The following NAV2 variants were observed in gnomAD, a reference collection of about 807,000 sequenced individuals.
NAV2 encodes helicase, APC down-regulated 1.
In NAV2, 54 loss-of-function variants were observed where a neutral mutation model predicts 223.2. The ratio of observed to expected loss-of-function variants is 0.24; its 90% CI spans 0.19 to 0.30. NAV2 has a LOEUF of 0.30. Ranked by LOEUF, NAV2 falls within the 10% of genes least tolerant of loss-of-function variation. The probability of loss-of-function intolerance (pLI) is 1.00; values close to 1 mark genes in which losing one functional copy is unlikely to be tolerated. For synonymous variants in NAV2, 1,279 were observed against 1,239.3 expected (o/e 1.03, Z -0.67); for missense variants, 2,806 against 3,147.5 (o/e 0.89, Z 2.60).
intron 1 of NAV2, among the ~76,000 whole-genome samples, chr11:19,736,145 C>T (rs2052277759): frequency 6.6e-6 from 1 of 152,232 alleles, no homozygotes; most frequent in Admixed American, 6.5e-5. Context: ...CCCTATATCT[C>T]ACCCTCTCTA....
intron 11 of NAV2, among the ~76,000 whole-genome samples, chr11:20,010,305 T>C (rs530827140): frequency 6.6e-6 from 1 of 152,290 alleles, no homozygotes; most frequent in Admixed American, 6.5e-5. Context: ...TTGCAGACCT[T>C]TGATTTAGAG....
At chr11:19,440,793 C>T (rs566229459) in intron 1 of NAV2, among the ~76,000 whole-genome samples, 3 of 152,274 alleles carry the variant, frequency 2.0e-5, no homozygotes, top group East Asian at 3.9e-4. Context: ...TGAATGGAGG[C>T]TTGGTTTAAC....
intron 1 of NAV2, among the ~76,000 whole-genome samples, chr11:19,731,905 G>A (rs2051811953): frequency 6.6e-6 from 1 of 152,206 alleles, no homozygotes; most frequent in South Asian, 2.1e-4. Context: ...TTGAAGGATA[G>A]GGAAAATACA....
rs2063395557 is a variant in NAV2 at position 20,120,076 on chromosome 11, C to G, written c.*1818C>G. 1 of 152,176 alleles carries G rather than the reference C, an allele frequency of 6.6e-6. No homozygotes were observed. The highest frequency in any genetic ancestry group is 1.5e-5 in the Non-Finnish European group (1 of 68,036). 9.4% of individuals were successfully genotyped at this position (152,176 alleles called of 1,614,324 possible). A position where few individuals can be genotyped will look rare whatever the true frequency, so the allele number is the denominator to read the frequency against. On this transcript the variant is annotated 3_prime_UTR_variant, in exon 38 of 38. Coordinates refer to ENST00000349880, the MANE Select transcript of NAV2 (RefSeq NM_145117.5). Reference sequence around the variant, plus strand: ...CCTTATTGGACACCAGTGAAGGTGTCTCTGTTTTAATGATCAGGGTTTTTA... The same window carrying G: ...CCTTATTGGACACCAGTGAAGGTGTGTCTGTTTTAATGATCAGGGTTTTTA...
At chr11:19,496,922 A>G (rs1411197549) in intron 1 of NAV2, among the ~76,000 whole-genome samples, 1 of 152,212 alleles carries the variant, frequency 6.6e-6, no homozygotes, top group Non-Finnish European at 1.5e-5. Flanking sequence ...AGGGAATGGC[A>G]TTGAGTTCAT....
At chr11:20,023,699 G>GGTGT (rs374769800) in intron 11 of NAV2, among the ~76,000 whole-genome samples, 3,683 of 144,654 alleles carry the variant, frequency 0.025, 48 homozygotes, top group African/African-American at 0.036. Flanking sequence ...CAAATTGCTG[G>GGTGT]GTGTGTGTGT....
intron 1 of NAV2, among the ~76,000 whole-genome samples, chr11:19,658,220 C>T (rs985118512): frequency 3.3e-5 from 5 of 152,136 alleles, no homozygotes; most frequent in African/African-American, 1.2e-4. Flanking sequence ...AGTAACCTGC[C>T]TAGGATCACA....
chr11:19,431,707 G>A (rs1020686331), intron 1 of NAV2, among the ~76,000 whole-genome samples: 1 of 152,176 alleles, frequency 6.6e-6, no homozygotes, highest in African/African-American at 2.4e-5. Context: ...ATAGAATTTA[G>A]ATTAAGAGCA....
chr11:19,847,187 A>G (rs1326840228), intron 3 of NAV2, among the ~76,000 whole-genome samples: 1 of 152,168 alleles, frequency 6.6e-6, no homozygotes, highest in African/African-American at 2.4e-5. Flanking sequence ...CCTGCTTCCC[A>G]ATTTGAACTC....
chr11:20,016,668 C>T (rs2054030813), intron 11 of NAV2, among the ~76,000 whole-genome samples: 1 of 152,142 alleles, frequency 6.6e-6, no homozygotes, highest in African/African-American at 2.4e-5. Context: ...GGTCCTGCTT[C>T]CCTGGACCCA....
intron 1 of NAV2, among the ~76,000 whole-genome samples, chr11:19,499,486 C>A (rs1334220017): frequency 6.6e-6 from 1 of 152,136 alleles, no homozygotes; most frequent in Non-Finnish European, 1.5e-5. Flanking sequence ...GTGAGCAGTG[C>A]CTGGCACAGG....
At chr11:20,109,490 A>C (rs941950329) in intron 36 of NAV2, among the ~76,000 whole-genome samples, 1 of 152,198 alleles carries the variant, frequency 6.6e-6, no homozygotes, top group African/African-American at 2.4e-5. Flanking sequence ...GGTTTTGTTA[A>C]GACCACAGAC....
chr11:20,007,478 T>C (rs1374000913), intron 11 of NAV2, among the ~76,000 whole-genome samples: 1 of 152,204 alleles, frequency 6.6e-6, no homozygotes, highest in Non-Finnish European at 1.5e-5. Context: ...TCCACATTGA[T>C]TGGGTTGGCA....
intron 1 of NAV2, among the ~76,000 whole-genome samples, chr11:19,731,626 A>G (rs1363056277): frequency 6.6e-6 from 1 of 152,220 alleles, no homozygotes; most frequent in Non-Finnish European, 1.5e-5. Context: ...CACCTGTAGG[A>G]CCAGGATAGA....
At chr11:19,545,384 A>T (rs1425329626) in intron 1 of NAV2, among the ~76,000 whole-genome samples, 2 of 152,122 alleles carry the variant, frequency 1.3e-5, no homozygotes, top group African/African-American at 4.8e-5. Flanking sequence ...ATTTGTCTGC[A>T]TGTGGCCTCT....
At chr11:19,733,312 G>A (rs1248008773) in intron 1 of NAV2, among the ~76,000 whole-genome samples, 1 of 152,182 alleles carries the variant, frequency 6.6e-6, no homozygotes, top group Non-Finnish European at 1.5e-5. Flanking sequence ...TTTTTCAAAT[G>A]AGTAAGATGA....
chr11:19,805,514 G>A (rs2058508242), intron 1 of NAV2, among the ~76,000 whole-genome samples: 1 of 152,142 alleles, frequency 6.6e-6, no homozygotes, highest in African/African-American at 2.4e-5. Flanking sequence ...ATTTGCAGCT[G>A]TCCTCTGGGA....
At chr11:19,368,281 C>T (rs532523211) in intron 1 of NAV2, among the ~76,000 whole-genome samples, 1 of 152,202 alleles carries the variant, frequency 6.6e-6, no homozygotes, top group Non-Finnish European at 1.5e-5. Context: ...AGAGGTCCTA[C>T]AGGATTTGAA....
At chr11:19,680,989 C>T (rs2152225214) in intron 1 of NAV2, among the ~76,000 whole-genome samples, 1 of 152,342 alleles carries the variant, frequency 6.6e-6, no homozygotes, top group East Asian at 1.9e-4. Flanking sequence ...TAGCGGGTGC[C>T]AGGCACTGTT....
Sources: gnomAD v4.1 joint callset for allele counts (sites outside exome capture counted in the v4.1 genomes callset) on GRCh38, gnomAD v4.1.1 for gene constraint, MANE v1.5 for transcripts, NCBI Gene and HGNC (gene_info 2026-07-23, HGNC 2026-07-21) for gene names.